Variants in SLC9A9 observed in about 807,000 individuals in gnomAD.
The protein encoded by SLC9A9 is sodium/hydrogen exchanger 9.
Under a neutral mutation model 77.8 loss-of-function variants are expected in SLC9A9, and 62 were observed. That is an observed-to-expected ratio of 0.80 (90% confidence interval 0.65 to 0.98). SLC9A9 has a LOEUF of 0.98. Ranked by LOEUF, SLC9A9 falls within the 50% of genes least tolerant of loss-of-function variation. The pLI, the probability that SLC9A9 is intolerant of heterozygous loss-of-function variation, is 0.00. For missense variants in SLC9A9, 775 were observed against 774.9 expected (o/e 1.00, Z 0.00); for synonymous variants, 320 against 283.5 (o/e 1.13, Z -1.29).
intron 4 of SLC9A9, among the ~76,000 whole-genome samples, chr3:143,748,673 G>T (rs888439753): frequency 1.3e-5 from 2 of 149,502 alleles, no homozygotes; most frequent in African/African-American, 4.9e-5. Context: ...GACTGGCAAA[G>T]AGTCTCTTTT....
At chr3:143,438,983 T>C (rs562824327) in intron 12 of SLC9A9, among the ~76,000 whole-genome samples, 2 of 152,364 alleles carry the variant, frequency 1.3e-5, no homozygotes, top group East Asian at 3.9e-4. Flanking sequence ...CATTTATTCA[T>C]TTCTTTAATT....
chr3:143,619,540 T>G (rs1282586572), intron 6 of SLC9A9, among the ~76,000 whole-genome samples: 1 of 152,212 alleles, frequency 6.6e-6, no homozygotes, highest in Non-Finnish European at 1.5e-5. Flanking sequence ...GTGTAATGCA[T>G]GTATACAATG....
intron 6 of SLC9A9, among the ~76,000 whole-genome samples, chr3:143,648,955 A>T (rs918324407): frequency 6.6e-6 from 1 of 152,206 alleles, no homozygotes; most frequent in Non-Finnish European, 1.5e-5. Flanking sequence ...ATTCCTGTTC[A>T]TTTCACTGGA....
intron 14 of SLC9A9, among the ~76,000 whole-genome samples, chr3:143,295,694 T>C (rs2030234023): frequency 6.6e-6 from 1 of 152,202 alleles, no homozygotes; most frequent in African/African-American, 2.4e-5. Flanking sequence ...ACCTTTATCA[T>C]CACCTACACC....
chr3:143,313,629 TC>T (rs2031098739), intron 14 of SLC9A9, among the ~76,000 whole-genome samples: 1 of 152,200 alleles, frequency 6.6e-6, no homozygotes, highest in South Asian at 2.1e-4. Flanking sequence ...AAGTCTTATT[TC>T]CATTCTGCAT....
chr3:143,761,672 A>G (rs1404032325), intron 4 of SLC9A9, among the ~76,000 whole-genome samples: 1 of 152,212 alleles, frequency 6.6e-6, no homozygotes, highest in East Asian at 1.9e-4. Flanking sequence ...AATGGCGATC[A>G]TTAAAAAGTC....
chr3:143,341,427 G>A (rs898688019), intron 14 of SLC9A9, among the ~76,000 whole-genome samples: 7 of 152,256 alleles, frequency 4.6e-5, no homozygotes, highest in East Asian at 1.9e-4. Context: ...CCAGGTCATA[G>A]TCATACAATG....
rs575043035 is a variant in SLC9A9 at position 143,842,179 on chromosome 3, G to A, written c.175+5969C>T. The stretch of plus-strand genomic sequence containing the variant: ...GCAGATCACGAGGTCAGGAGATCAA[G>A]ACCATCCTGGCTAACACAGTGAAAC... On this transcript the variant is annotated intron_variant, in intron 1 of 15. Coordinates refer to ENST00000316549, the MANE Select transcript of SLC9A9 (RefSeq NM_173653.4). 3.3e-5 allele frequency among the ~76,000 whole-genome samples: 5 copies of A among 152,306 alleles called. No individual in the cohort carries two copies. The East Asian group carries it at 9.7e-4, about 30-fold the overall frequency.
At chr3:143,741,370 C>G (rs911951231) in intron 4 of SLC9A9, among the ~76,000 whole-genome samples, 2 of 151,956 alleles carry the variant, frequency 1.3e-5, no homozygotes, top group African/African-American at 4.8e-5. Flanking sequence ...CCTGGAGCAA[C>G]AAAATAAATA....
chr3:143,562,137 C>T (rs967757625), intron 8 of SLC9A9, among the ~76,000 whole-genome samples: 39 of 152,170 alleles, frequency 2.6e-4, no homozygotes, highest in Non-Finnish European at 4.4e-4. Context: ...ATGAGGAACA[C>T]AAGACTGAAT....
chr3:143,628,232 C>T (rs1011581202), intron 6 of SLC9A9, among the ~76,000 whole-genome samples: 2 of 152,100 alleles, frequency 1.3e-5, no homozygotes, highest in South Asian at 2.1e-4. Flanking sequence ...CCTCCACTTA[C>T]GATGGGGTTA....
At chr3:143,674,017 T>C (rs914289781) in intron 5 of SLC9A9, among the ~76,000 whole-genome samples, 9 of 152,226 alleles carry the variant, frequency 5.9e-5, no homozygotes, top group African/African-American at 1.9e-4. Context: ...AATATCATGA[T>C]AGTGTTATCT....
At chr3:143,434,901 G>A (rs745448367) in intron 12 of SLC9A9, among the ~76,000 whole-genome samples, 39 of 151,848 alleles carry the variant, frequency 2.6e-4, no homozygotes, top group Non-Finnish European at 4.0e-4. Flanking sequence ...AGCTCATGTG[G>A]TCCACCCCAC....
intron 13 of SLC9A9, among the ~76,000 whole-genome samples, chr3:143,365,478 C>A (rs541994541): frequency 6.6e-6 from 1 of 152,256 alleles, no homozygotes; most frequent in South Asian, 2.1e-4. Context: ...TATAAATGAG[C>A]ATTGCAAATC....
At chr3:143,561,026 C>A (rs2108646335) in intron 8 of SLC9A9, among the ~76,000 whole-genome samples, 1 of 152,096 alleles carries the variant, frequency 6.6e-6, no homozygotes, top group Non-Finnish European at 1.5e-5. Flanking sequence ...ACTAAAAATA[C>A]AAAAATTAGC....
chr3:143,548,663 C>T (rs1354629781), intron 9 of SLC9A9, among the ~76,000 whole-genome samples: 2 of 152,162 alleles, frequency 1.3e-5, no homozygotes, highest in Non-Finnish European at 1.5e-5. Flanking sequence ...CTCTGTCATA[C>T]TGCTTTTTGC....
At chr3:143,774,968 C>T (rs2007644491) in intron 4 of SLC9A9, among the ~76,000 whole-genome samples, 1 of 152,186 alleles carries the variant, frequency 6.6e-6, no homozygotes. Flanking sequence ...TTTGTCTTCA[C>T]CTGGCATAGG....
chr3:143,429,718 C>T (rs1048656946), intron 12 of SLC9A9, among the ~76,000 whole-genome samples: 2 of 151,854 alleles, frequency 1.3e-5, no homozygotes, highest in African/African-American at 4.8e-5. Flanking sequence ...GGAGATCACC[C>T]CTCCAGAGGG....
intron 2 of SLC9A9, among the ~76,000 whole-genome samples, chr3:143,800,351 T>C (rs1029677680): frequency 6.6e-6 from 1 of 152,166 alleles, no homozygotes; most frequent in African/African-American, 2.4e-5. Context: ...TTTTAAAGCC[T>C]ACAAATTCTC....
Sources: allele counts gnomAD v4.1 joint callset (sites outside exome capture counted in the v4.1 genomes callset), GRCh38; gene constraint gnomAD v4.1.1; transcripts MANE v1.5; gene names NCBI Gene and HGNC (gene_info 2026-07-23, HGNC 2026-07-21).